The following EXOC3 variants were observed in gnomAD, a reference collection of about 807,000 sequenced individuals.
EXOC3 encodes SEC6-like 1.
EXOC3 carries 21 observed loss-of-function variants against 73.7 expected under a neutral mutation model. The ratio of observed to expected loss-of-function variants is 0.29; its 90% CI spans 0.20 to 0.41. The LOEUF is 0.41. Among genes scored for constraint, EXOC3 ranks in the 10% least tolerant of loss-of-function variants. The probability of loss-of-function intolerance (pLI) is 1.00; values close to 1 mark genes in which losing one functional copy is unlikely to be tolerated. For synonymous variants in EXOC3, 410 were observed against 389.1 expected (o/e 1.05, Z -0.63); for missense variants, 842 against 985.1 (o/e 0.85, Z 1.95).
intron 9 of EXOC3, among the ~76,000 whole-genome samples, chr5:463,409 T>C (rs1738045034): frequency 6.6e-6 from 1 of 152,234 alleles, no homozygotes; most frequent in Non-Finnish European, 1.5e-5. Flanking sequence ...GTCCTCATCG[T>C]GAAACTAGAC....
chr5:464,159 A>T, intron 9 of EXOC3, 131 bp from the exon 10 acceptor site: 1 of 802,874 alleles, frequency 1.2e-6, no homozygotes, highest in Admixed American at 2.6e-5. Flanking sequence ...TGAGGTGAGG[A>T]AGTGCCTCCC....
rs1560933158 is a variant in EXOC3, at chr5:443,256, CGGCGGCGGCGGCGGCG to C, written c.-89_-74del. 1.4e-5 allele frequency: 1 copy of C among 71,996 alleles called. No homozygotes were observed. Among genetic ancestry groups the C allele is most frequent in the Non-Finnish European group, 4.5e-5 (1 of 22,264 alleles). 4.5% of individuals were successfully genotyped at this position (71,996 alleles called of 1,614,324 possible). A position where few individuals can be genotyped will look rare whatever the true frequency, so the allele number is the denominator to read the frequency against. ...GCGGCGGCGGCGGCGGCGGCGGCGG[CGGCGGCGGCGGCGGCG>C]GCGGCGTAGCCGTAGAGGGTGAGTC... On this transcript the variant is annotated 5_prime_UTR_variant, in exon 1 of 13. Coordinates refer to ENST00000512944, the MANE Select transcript of EXOC3 (RefSeq NM_007277.5).
At chr5:456,191 G>A (rs1737803315) in intron 4 of EXOC3, among the ~76,000 whole-genome samples, 1 of 152,154 alleles carries the variant, frequency 6.6e-6, no homozygotes, top group Non-Finnish European at 1.5e-5. Flanking sequence ...TTATAAAAGG[G>A]TATAGTGTTT....
intron 9 of EXOC3, 128 bp downstream of exon 9, chr5:462,435 A>G: frequency 9.4e-7 from 1 of 1,066,940 alleles, no homozygotes; most frequent in Non-Finnish European, 1.4e-6. Flanking sequence ...GTGCACTTGC[A>G]TTCCGGTCAG....
intron 4 of EXOC3, 142 bp downstream of exon 4, chr5:454,193 G>A: frequency 3.0e-6 from 2 of 671,452 alleles, no homozygotes; most frequent in South Asian, 3.9e-5. Context: ...TCCAGCCCAG[G>A]GGTGTCTTCT....
intron 3 of EXOC3, among the ~76,000 whole-genome samples, chr5:449,367 T>C (rs536320429): frequency 8.7e-4 from 133 of 152,326 alleles, no homozygotes; most frequent in African/African-American, 3.1e-3. Flanking sequence ...ACATTCATAT[T>C]GTTGTGCAAC....
chr5:454,086 G>A (rs1482412336), intron 4 of EXOC3, 35 bp downstream of exon 4: 1 of 1,519,584 alleles, frequency 6.6e-7, no homozygotes, highest in East Asian at 2.4e-5. Flanking sequence ...TGGCTCTTAG[G>A]TAGAAGCCGT....
At chr5:454,395 C>T (rs1737743593) in intron 4 of EXOC3, among the ~76,000 whole-genome samples, 2 of 152,220 alleles carry the variant, frequency 1.3e-5, no homozygotes, top group Non-Finnish European at 2.9e-5. Flanking sequence ...TGTTGTTACC[C>T]CATTTTACAG....
intron 4 of EXOC3, among the ~76,000 whole-genome samples, chr5:454,902 A>AT (rs1403781821): frequency 1.9e-5 from 2 of 107,662 alleles, no homozygotes; most frequent in Non-Finnish European, 3.7e-5. Flanking sequence ...AGTAAGGCAT[A>AT]TTTTTTTGTG....
intron 9 of EXOC3, among the ~76,000 whole-genome samples, chr5:463,121 C>A (rs1738038350): frequency 6.6e-6 from 1 of 152,028 alleles, no homozygotes; most frequent in Admixed American, 6.6e-5. Flanking sequence ...ACAACAACAA[C>A]AAAATAATAA....
chr5:449,307 C>T (rs1477495774), intron 3 of EXOC3, among the ~76,000 whole-genome samples: 4 of 152,208 alleles, frequency 2.6e-5, no homozygotes. Context: ...TGCATATGTA[C>T]AGTTTGCCGT....
In EXOC3 at chr5:465,785, C is replaced by G. The variant is rs778112783; in HGVS notation, c.2006C>G (p.Thr669Arg). The change falls in exon 12 of 13, where the codon ACA (threonine) becomes AGA (arginine). Residue 669 changes from threonine to arginine, a missense_variant. Coordinates refer to ENST00000512944, the MANE Select transcript of EXOC3 (RefSeq NM_007277.5). ...IVAVAEVIKL[T>R]DPSLLYLEVS... The stretch of plus-strand genomic sequence containing the variant: ...GCTGTGGCCGAAGTGATCAAGCTGA[C>G]AGACCCTTCTCTGCTCTACCTGGAG... 2.5e-6 allele frequency: 4 copies of G among 1,613,718 alleles called. No homozygotes were observed. The highest frequency in any genetic ancestry group is 1.3e-5 in the African/African-American group (1 of 75,072).
At position 457,022 on chromosome 5, in the gene EXOC3, C is replaced by T. The variant is rs760180697; in HGVS notation, c.1164+16C>T. On this transcript the variant is annotated intron_variant, in intron 5 of 12. Transcript: ENST00000512944. ...CACGCTCACTGTGAGTAGGGCTGGC[C>T]TGCGTGCCACAGACCACCGTGCTGG... The T allele has an allele frequency of 1.9e-6, 3 of 1,573,326 alleles. No homozygotes were observed. The Admixed American group carries it at 5.0e-5, about 26-fold the overall frequency.
chr5:458,347 C>G (rs527477779), intron 6 of EXOC3, among the ~76,000 whole-genome samples: 8 of 152,184 alleles, frequency 5.3e-5, no homozygotes, highest in African/African-American at 1.9e-4. Context: ...TGGTCGATAT[C>G]CAGGATTTGT....
chr5:460,535 G>A (rs1023600807), intron 7 of EXOC3, among the ~76,000 whole-genome samples: 5 of 151,362 alleles, frequency 3.3e-5, no homozygotes, highest in East Asian at 1.9e-4. Flanking sequence ...CCCACTGGCC[G>A]CCCATCCACA....
At chr5:458,806 C>T (rs903260881) in intron 6 of EXOC3, among the ~76,000 whole-genome samples, 2 of 152,176 alleles carry the variant, frequency 1.3e-5, no homozygotes, top group East Asian at 1.9e-4. Context: ...TGAGGGCTGG[C>T]GGGTGACATT....
intron 5 of EXOC3, chr5:457,606 G>A (rs1737860506): frequency 6.4e-6 from 2 of 314,154 alleles, no homozygotes; most frequent in South Asian, 7.6e-5. Flanking sequence ...GTGCACCTGG[G>A]ATTCAGCGGC....
chr5:458,073 T>C, intron 6 of EXOC3, 48 bp downstream of exon 6: 1 of 1,591,302 alleles, frequency 6.3e-7, no homozygotes, highest in Non-Finnish European at 8.6e-7. Context: ...AGGTGGATAG[T>C]GGGACCTGTA....
chr5:464,591 G>GC (rs1176266649), intron 10 of EXOC3, 179 bp downstream of exon 10: 3 of 605,700 alleles, frequency 5.0e-6, no homozygotes, highest in Non-Finnish European at 8.6e-6. Context: ...GCTCTGGTGA[G>GC]AATGGCCGGG....
Sources: gnomAD v4.1 joint callset for allele counts (sites outside exome capture counted in the v4.1 genomes callset) on GRCh38, gnomAD v4.1.1 for gene constraint, MANE v1.5 for transcripts, NCBI Gene and HGNC (gene_info 2026-07-23, HGNC 2026-07-21) for gene names.